EPB41L4B: variants seen among roughly 807,000 people sequenced by gnomAD.
EPB41L4B encodes band 4.1-like protein 4B.
In EPB41L4B, 30 loss-of-function variants were observed where a neutral mutation model predicts 112.5. The ratio of observed to expected loss-of-function variants is 0.27; its 90% confidence interval spans 0.20 to 0.36. EPB41L4B has a LOEUF of 0.36. Ranked by LOEUF, EPB41L4B falls within the 10% of genes least tolerant of loss-of-function variation. EPB41L4B has a pLI of 1.00. For missense variants in EPB41L4B, 1,024 were observed against 1,133.3 expected, an observed-to-expected ratio of 0.90 and a Z score of 1.38; for synonymous variants, 408 against 439.7, an observed-to-expected ratio of 0.93 and a Z score of 0.90.
In EPB41L4B at chr9:109,179,815, A is replaced by G. The variant is rs542937916; in HGVS notation, c.2487+2914T>C. On this transcript the variant is annotated intron_variant, in intron 24 of 25. Transcript: ENST00000374566. ...ACTTCTGTCCACCTCCACCAGCAAA[A>G]CCACTGTGGGTCAAGCTTTCTGCTC... Among the ~76,000 whole-genome samples the G allele has an allele frequency of 2.0e-5, 3 of 151,988 alleles. No individual in the cohort carries two copies. The East Asian group carries it at 5.8e-4, about 29-fold the overall frequency.
At chr9:109,214,216 G>A (rs1833283703) in intron 16 of EPB41L4B, among the ~76,000 whole-genome samples, 1 of 152,138 alleles carries the variant, frequency 6.6e-6, no homozygotes, top group Non-Finnish European at 1.5e-5. Flanking sequence ...GGCATATAAC[G>A]TGCCCTTAAA....
At chr9:109,251,391 G>C (rs1203686685) in intron 13 of EPB41L4B, 90 bp downstream of exon 13, 1 of 1,281,764 alleles carries the variant, frequency 7.8e-7, no homozygotes, top group African/African-American at 1.5e-5. Context: ...CACACTTCCT[G>C]ATTTCACTGT....
At chr9:109,305,873 G>A (rs35653358) in intron 1 of EPB41L4B, among the ~76,000 whole-genome samples, 26,894 of 152,078 alleles carry the variant, frequency 0.18, 2,995 homozygotes, top group Admixed American at 0.24. Flanking sequence ...GCAGTGAGTC[G>A]AGATCGCGCC....
intron 15 of EPB41L4B, among the ~76,000 whole-genome samples, chr9:109,218,224 C>G (rs1833454284): frequency 6.7e-6 from 1 of 148,272 alleles, no homozygotes; most frequent in African/African-American, 2.5e-5. Context: ...CTCCCAGGCT[C>G]AAGCAATTCT....
intron 1 of EPB41L4B, among the ~76,000 whole-genome samples, chr9:109,280,687 AT>A (rs750844469): frequency 4.0e-4 from 61 of 152,320 alleles, no homozygotes; most frequent in Admixed American, 7.2e-4. Context: ...TCTCTGACAA[AT>A]GAAAAGGCTT....
At chr9:109,270,945 A>C (rs1165441881) in intron 2 of EPB41L4B, among the ~76,000 whole-genome samples, 1 of 152,244 alleles carries the variant, frequency 6.6e-6, no homozygotes, top group East Asian at 1.9e-4. Context: ...AAATGCTTCC[A>C]GTGTGCCCGT....
chr9:109,267,393 A>G (rs907118673), intron 4 of EPB41L4B, 80 bp downstream of exon 4: 66 of 866,064 alleles, frequency 7.6e-5, no homozygotes, highest in Admixed American at 3.5e-4. Context: ...AGAAGAGGCA[A>G]ACCCACAATT....
chr9:109,217,733 G>A (rs1023034621), intron 15 of EPB41L4B, among the ~76,000 whole-genome samples: 2 of 152,076 alleles, frequency 1.3e-5, no homozygotes, highest in Admixed American at 6.6e-5. Context: ...CACCATGCCT[G>A]GCTAATTTTT....
intron 2 of EPB41L4B, among the ~76,000 whole-genome samples, chr9:109,271,006 T>G (rs1835591920): frequency 6.6e-6 from 1 of 152,162 alleles, no homozygotes; most frequent in Non-Finnish European, 1.5e-5. Flanking sequence ...CAGGAAGAGG[T>G]TCTGATGATC....
chr9:109,253,396 T>C (rs983969403), intron 12 of EPB41L4B, 45 bp downstream of exon 12: 3 of 1,403,778 alleles, frequency 2.1e-6, no homozygotes, highest in Non-Finnish European at 3.0e-6. Context: ...CTTAAATGAC[T>C]CAAGCATAAT....
intron 1 of EPB41L4B, among the ~76,000 whole-genome samples, chr9:109,292,014 T>C (rs1836553881): frequency 6.6e-6 from 1 of 152,234 alleles, no homozygotes; most frequent in South Asian, 2.1e-4. Context: ...CGCTCATTTC[T>C]TCCTTTAACA....
intron 1 of EPB41L4B, among the ~76,000 whole-genome samples, chr9:109,312,131 T>C (rs745312982): frequency 7.9e-5 from 12 of 151,868 alleles, no homozygotes; most frequent in African/African-American, 1.5e-4. Context: ...TGTCAAGAAA[T>C]GTGGATGGGG....
At chr9:109,258,055 G>T in intron 7 of EPB41L4B, 122 bp downstream of exon 7, 1 of 1,061,070 alleles carries the variant, frequency 9.4e-7, no homozygotes, top group Non-Finnish European at 1.4e-6. Flanking sequence ...GGAGAGAAGA[G>T]TTGGCGCTGC....
chr9:109,197,179 T>C (rs895800991), intron 20 of EPB41L4B, among the ~76,000 whole-genome samples: 1 of 152,118 alleles, frequency 6.6e-6, no homozygotes, highest in Admixed American at 6.5e-5. Context: ...TCCCAGCACT[T>C]TGGGAGGCTG....
chr9:109,262,450 GGGGTGTGTGTGT>G (rs1835242865), intron 6 of EPB41L4B, among the ~76,000 whole-genome samples: 1 of 10,110 alleles, frequency 9.9e-5, no homozygotes, highest in African/African-American at 2.3e-4. Flanking sequence ...GGTGTGTGTG[GGGGTGTGTGTGT>G]GTGTGTGTGT....
intron 7 of EPB41L4B, 45 bp downstream of exon 7, chr9:109,258,131 TG>T (rs749274349): frequency 1.9e-6 from 3 of 1,582,532 alleles, no homozygotes; most frequent in Non-Finnish European, 2.6e-6. Context: ...CACTTATTTA[TG>T]ACAAAATAGA....
chr9:109,255,713 C>T (rs891173118), intron 10 of EPB41L4B, 33 bp from the exon 11 acceptor site: 18 of 1,609,700 alleles, frequency 1.1e-5, no homozygotes, highest in Admixed American at 6.7e-5. Context: ...CTCGAGTGGG[C>T]GTTTGCAACC....
intron 1 of EPB41L4B, among the ~76,000 whole-genome samples, chr9:109,312,227 T>G (rs191211119): frequency 6.6e-6 from 1 of 152,162 alleles, no homozygotes; most frequent in Non-Finnish European, 1.5e-5. Flanking sequence ...AGGAACAAAG[T>G]GAAACCAACC....
Position 109,251,487 on chromosome 9 carries a change from T to G in EPB41L4B, c.1304A>C (p.Gln435Pro). 1 of 1,614,110 alleles carries G rather than the reference T, an allele frequency of 6.2e-7. No homozygotes were observed. The highest frequency in any genetic ancestry group is 8.5e-7 in the Non-Finnish European group (1 of 1,179,908). The change falls in exon 13 of 26, where the codon CAG (glutamine) becomes CCG (proline). Residue 435 changes from glutamine to proline, a missense_variant. Transcript: ENST00000374566. ...AGAGCTCAAGGACACTCACCAGAGCTGGGCTGCTATCACTGGGTTGCTTGC... is the reference window on the plus strand; with the variant it reads ...AGAGCTCAAGGACACTCACCAGAGCGGGGCTGCTATCACTGGGTTGCTTGC... ...FKASNPVIAAQLCSKTNPEVH... is the reference protein window; with the variant it reads ...FKASNPVIAAPLCSKTNPEVH...
Sources: allele counts gnomAD v4.1 joint callset (sites outside exome capture counted in the v4.1 genomes callset), GRCh38; gene constraint gnomAD v4.1.1; transcripts MANE v1.5; gene names NCBI Gene and HGNC (gene_info 2026-07-23, HGNC 2026-07-21).